The following KLHL8 variants were observed in gnomAD, a reference collection of about 807,000 sequenced individuals.
KLHL8 encodes kelch-like protein 8.
A neutral mutation model predicts 63.5 loss-of-function variants in KLHL8; 38 were observed. The observed-to-expected ratio is 0.60, with a 90% CI of 0.46 to 0.78. KLHL8 has a LOEUF of 0.78. KLHL8 is among the 30% of genes least tolerant of loss of function. The pLI, the probability that KLHL8 is intolerant of heterozygous loss-of-function variation, is 0.00. For missense variants in KLHL8, 566 were observed against 752.4 expected, an observed-to-expected ratio of 0.75 and a Z score of 2.90; for synonymous variants, 224 against 254.3, an observed-to-expected ratio of 0.88 and a Z score of 1.13.
intron 6 of KLHL8, among the ~76,000 whole-genome samples, chr4:87,171,757 T>C (rs1052899071): frequency 2.0e-5 from 3 of 152,226 alleles, no homozygotes; most frequent in Admixed American, 2.0e-4. Flanking sequence ...CCTACGTCTC[T>C]GGCTAGTGCT....
intron 8 of KLHL8, among the ~76,000 whole-genome samples, chr4:87,164,526 A>T (rs531896869): frequency 6.6e-6 from 1 of 152,162 alleles, no homozygotes; most frequent in Non-Finnish European, 1.5e-5. Flanking sequence ...GATAAAAGTT[A>T]AAGTTTTCCA....
At chr4:87,189,785 C>A (rs180905918) in intron 2 of KLHL8, among the ~76,000 whole-genome samples, 1 of 151,452 alleles carries the variant, frequency 6.6e-6, no homozygotes, top group Non-Finnish European at 1.5e-5. Flanking sequence ...GCACTTTGGG[C>A]GGGATCCACC....
rs77672839 is a variant in KLHL8, at chr4:87,160,508, G to A, written c.*3011C>T. 2.7e-4 allele frequency: 41 copies of A among 152,252 alleles called. No homozygotes were observed. The highest frequency in any genetic ancestry group is 9.9e-4 in the African/African-American group (41 of 41,544). The allele number at this position is 152,252 out of a possible 1,614,324, so 9.4% of individuals were successfully genotyped here. On this transcript the variant is annotated 3_prime_UTR_variant, in exon 10 of 10. Coordinates refer to ENST00000273963, the MANE Select transcript of KLHL8 (RefSeq NM_020803.5). Reference sequence around the variant, plus strand: ...GCAATTTCAAGAAGTCCTTACCAAGGCATTCAACAGCACTGTAAGTTCAAA... The same window carrying A: ...GCAATTTCAAGAAGTCCTTACCAAGACATTCAACAGCACTGTAAGTTCAAA...
intron 1 of KLHL8, among the ~76,000 whole-genome samples, chr4:87,201,288 A>G (rs1029459928): frequency 6.6e-6 from 1 of 152,242 alleles, no homozygotes; most frequent in African/African-American, 2.4e-5. Flanking sequence ...CAATAAAAAA[A>G]GACACTACAT....
intron 1 of KLHL8, among the ~76,000 whole-genome samples, chr4:87,203,451 A>G (rs1356400209): frequency 6.6e-6 from 1 of 151,554 alleles, no homozygotes; most frequent in Non-Finnish European, 1.5e-5. Flanking sequence ...AATGGCGTGA[A>G]CCTGGGAGGC....
upstream of KLHL8, among the ~76,000 whole-genome samples, chr4:87,224,488 C>T (rs977468393): frequency 8.5e-5 from 13 of 152,156 alleles, no homozygotes; most frequent in African/African-American, 2.9e-4. Context: ...GGAGGCAAAG[C>T]TTGCAACCAG....
upstream of KLHL8, among the ~76,000 whole-genome samples, chr4:87,224,244 C>T (rs1030023959): frequency 6.6e-6 from 1 of 152,066 alleles, no homozygotes; most frequent in Admixed American, 6.6e-5. Flanking sequence ...GCCACCGCGC[C>T]GGCCAACATT....
chr4:87,220,269 C>T (rs1732780629), intron 1 of KLHL8, 149 bp downstream of exon 1: 1 of 152,362 alleles, frequency 6.6e-6, no homozygotes, highest in Admixed American at 6.5e-5. Context: ...GCTCGAATTT[C>T]CTCCGCACAC....
At chr4:87,205,011 TTGTTGC>T (rs1732064895) in intron 1 of KLHL8, among the ~76,000 whole-genome samples, 1 of 152,234 alleles carries the variant, frequency 6.6e-6, no homozygotes, top group African/African-American at 2.4e-5. Context: ...GAAAAAAAGA[TTGTTGC>T]ATTCCAACAT....
chr4:87,165,122 C>A (rs1730343254), intron 8 of KLHL8, among the ~76,000 whole-genome samples: 1 of 141,744 alleles, frequency 7.1e-6, no homozygotes, highest in Non-Finnish European at 1.5e-5. Context: ...TGCACTCCAG[C>A]CTGGGCGACA....
chr4:87,226,698 T>C lies in KLHL8; in HGVS notation n.58-5308A>G, dbSNP rs563159678. Among the ~76,000 whole-genome samples, 8 of 10,852 alleles carry C rather than the reference T, an allele frequency of 7.4e-4. 1 individual carries two copies. Among genetic ancestry groups the C allele is most frequent in the East Asian group, 4.0e-3 (2 of 500 alleles). The allele number at this position is 10,852 out of a possible 152,430, so 7.1% of individuals were successfully genotyped here. On this transcript the variant is annotated intron_variant and non_coding_transcript_variant, in intron 1 of 1. Transcript: ENST00000506274. Reference sequence around the variant, plus strand: ...TTATTTATATATAATATATATATTATTTATATATAATATATATTATTTATA... The same window carrying C: ...TTATTTATATATAATATATATATTACTTATATATAATATATATTATTTATA...
At chr4:87,210,140 G>A (rs2110043069) in intron 1 of KLHL8, among the ~76,000 whole-genome samples, 1 of 151,664 alleles carries the variant, frequency 6.6e-6, no homozygotes. Context: ...TTACAGGCAT[G>A]AGCCACTACG....
At chr4:87,176,922 TTAA>T (rs1347060905) in intron 5 of KLHL8, 54 bp from the exon 6 acceptor site, 9 of 860,454 alleles carry the variant, frequency 1.0e-5, no homozygotes, top group Non-Finnish European at 1.7e-5. Flanking sequence ...ATTCATATCA[TTAA>T]TGTTACATAT....
intron 4 of KLHL8, among the ~76,000 whole-genome samples, chr4:87,179,068 A>T (rs961766274): frequency 6.6e-6 from 1 of 152,056 alleles, no homozygotes; most frequent in Non-Finnish European, 1.5e-5. Flanking sequence ...CATTTCTCAC[A>T]TATTTTTTGC....
chr4:87,201,470 T>A (rs1367256385), intron 1 of KLHL8, among the ~76,000 whole-genome samples: 3 of 152,222 alleles, frequency 2.0e-5, no homozygotes, highest in Non-Finnish European at 4.4e-5. Flanking sequence ...TCTTCAGTTA[T>A]AGAACTAGTT....
chr4:87,178,487 G>A lies in KLHL8; in HGVS notation c.1086C>T (p.Ile362=). 1 of 1,609,462 alleles carries A rather than the reference G, an allele frequency of 6.2e-7. No individual in the cohort carries two copies. Among genetic ancestry groups the A allele is most frequent in the Admixed American group, 1.7e-5 (1 of 58,452 alleles). Reference sequence around the variant, plus strand: ...CAAGAGTGGACCCACCTTCCACAGAGATTACACCCACATGTCGCCTTCGAC... The same window carrying A: ...CAAGAGTGGACCCACCTTCCACAGAAATTACACCCACATGTCGCCTTCGAC... ...MNSRRRHVGV[I]SVEGKVYAVG... is the part of the protein sequence containing the mutation. The change falls in exon 5 of 10, where the codon ATC becomes ATT. Residue 362 remains isoleucine (I), a synonymous_variant. Transcript: ENST00000273963.
chr4:87,166,715 T>C (rs1730413383), intron 8 of KLHL8: 2 of 152,314 alleles, frequency 1.3e-5, no homozygotes, highest in Admixed American at 1.3e-4. Flanking sequence ...ATGCACATTA[T>C]GGTCTGAGAA....
At chr4:87,172,786 C>T (rs1730683261) in intron 6 of KLHL8, among the ~76,000 whole-genome samples, 1 of 152,100 alleles carries the variant, frequency 6.6e-6, no homozygotes, top group Admixed American at 6.5e-5. Context: ...ATTACAATAA[C>T]CCTTTTTGGT....
At chr4:87,174,635 T>C (rs773721030) in intron 6 of KLHL8, among the ~76,000 whole-genome samples, 2 of 152,302 alleles carry the variant, frequency 1.3e-5, no homozygotes, top group Middle Eastern at 3.4e-3. Context: ...TTTACTAAGA[T>C]AGCCCTCTTC....
Sources: gnomAD v4.1 joint callset for allele counts (sites outside exome capture counted in the v4.1 genomes callset) on GRCh38, gnomAD v4.1.1 for gene constraint, MANE v1.5 for transcripts, NCBI Gene and HGNC (gene_info 2026-07-23, HGNC 2026-07-21) for gene names.